The following AKAP7 variants were observed in gnomAD, a reference collection of about 807,000 sequenced individuals.
The protein encoded by AKAP7 is A-kinase anchoring protein 7.
AKAP7 carries 39 observed loss-of-function variants against 39.5 expected under a neutral mutation model. That is an observed-to-expected ratio of 0.99 (90% CI 0.76 to 1.29). The LOEUF is 1.29. Among genes scored for constraint, AKAP7 ranks in the 50% most tolerant of loss-of-function variants. AKAP7 has a pLI of 0.00. For missense variants in AKAP7, 414 were observed against 407.7 expected (o/e 1.02, Z -0.13); for synonymous variants, 140 against 139.1 (o/e 1.01, Z -0.05).
At chr6:131,253,659 C>CTTACTTATTTAT (rs756122068) in intron 7 of AKAP7, among the ~76,000 whole-genome samples, 1 of 149,686 alleles carries the variant, frequency 6.7e-6, no homozygotes, top group Non-Finnish European at 1.5e-5. Flanking sequence ...ATGAGATCTA[C>CTTACTTATTTAT]TTATTTATTT....
At chr6:131,249,226 A>G (rs1812254818) in intron 7 of AKAP7, among the ~76,000 whole-genome samples, 1 of 152,222 alleles carries the variant, frequency 6.6e-6, no homozygotes, top group African/African-American at 2.4e-5. Flanking sequence ...ATATAAAAAC[A>G]ACTGTGTTCC....
intron 6 of AKAP7, among the ~76,000 whole-genome samples, chr6:131,208,552 T>A (rs1387059906): frequency 6.6e-6 from 1 of 152,258 alleles, no homozygotes; most frequent in Admixed American, 6.5e-5. Context: ...GAAGCAAGTA[T>A]CTTCAATAGC....
chr6:131,249,093 C>T (rs1450971698), intron 7 of AKAP7, among the ~76,000 whole-genome samples: 1 of 152,102 alleles, frequency 6.6e-6, no homozygotes, highest in Non-Finnish European at 1.5e-5. Flanking sequence ...ATTCTCTAAA[C>T]ATTAATTTTA....
intron 6 of AKAP7, among the ~76,000 whole-genome samples, chr6:131,202,510 A>T (rs912590286): frequency 6.6e-6 from 1 of 151,472 alleles, no homozygotes; most frequent in Non-Finnish European, 1.5e-5. Flanking sequence ...TATCGCAAGG[A>T]CAAAAAACCA....
At chr6:131,175,414 G>A (rs1218026803) in intron 5 of AKAP7, among the ~76,000 whole-genome samples, 1 of 152,086 alleles carries the variant, frequency 6.6e-6, no homozygotes, top group Non-Finnish European at 1.5e-5. Flanking sequence ...AGATTTACAA[G>A]TTAAAAAAAT....
chr6:131,180,995 A>G (rs1381073683), intron 5 of AKAP7, among the ~76,000 whole-genome samples: 5 of 152,004 alleles, frequency 3.3e-5, no homozygotes, highest in Admixed American at 1.3e-4. Flanking sequence ...TCTGTTGCCT[A>G]GGCTGGAGTG....
intron 3 of AKAP7, among the ~76,000 whole-genome samples, chr6:131,162,707 G>C (rs543773444): frequency 1.3e-5 from 2 of 152,172 alleles, no homozygotes; most frequent in East Asian, 3.9e-4. Flanking sequence ...GGCTTGCCAG[G>C]TTCCCTTGGC....
At chr6:131,165,580 A>G (rs1192064668) in intron 4 of AKAP7, among the ~76,000 whole-genome samples, 2 of 152,204 alleles carry the variant, frequency 1.3e-5, no homozygotes, top group Admixed American at 1.3e-4. Context: ...TTCTAAGTAA[A>G]TGAAGAAAAT....
chr6:131,151,983 G>A (rs896466745), intron 2 of AKAP7, among the ~76,000 whole-genome samples: 14 of 151,982 alleles, frequency 9.2e-5, no homozygotes, highest in African/African-American at 3.4e-4. Context: ...AGTTTTTGAG[G>A]GAATAAATAG....
At chr6:131,147,018 T>G (rs2761285) in intron 2 of AKAP7, among the ~76,000 whole-genome samples, 55,032 of 151,976 alleles carry the variant, frequency 0.36, 12,142 homozygotes, top group African/African-American at 0.62. Flanking sequence ...GAGGATGTGT[T>G]CAGGGAGGCA....
At chr6:131,133,462 C>G (rs940819109), upstream of AKAP7, among the ~76,000 whole-genome samples, 9 of 152,144 alleles carry the variant, frequency 5.9e-5, no homozygotes, top group Non-Finnish European at 1.2e-4. Flanking sequence ...CCTGTCATTT[C>G]TAAAAGAAGC....
intron 7 of AKAP7, among the ~76,000 whole-genome samples, chr6:131,273,249 T>G (rs545309810): frequency 1.3e-5 from 2 of 152,306 alleles, no homozygotes; most frequent in African/African-American, 4.8e-5. Context: ...CACATCATAG[T>G]TGATTCTGAT....
chr6:131,247,269 G>GTGTATA (rs1244438178), intron 7 of AKAP7, among the ~76,000 whole-genome samples: 56 of 91,898 alleles, frequency 6.1e-4, no homozygotes, highest in African/African-American at 1.7e-3. Flanking sequence ...CATTTCATAT[G>GTGTATA]TATATATATA....
chr6:131,233,747 A>G (rs540873403), intron 7 of AKAP7, among the ~76,000 whole-genome samples: 2 of 152,224 alleles, frequency 1.3e-5, no homozygotes, highest in Non-Finnish European at 2.9e-5. Context: ...TACCTTTACT[A>G]TCTTTTAAGA....
At chr6:131,274,660 C>T (rs1219279057) in intron 7 of AKAP7, among the ~76,000 whole-genome samples, 1 of 152,110 alleles carries the variant, frequency 6.6e-6, no homozygotes, top group Admixed American at 6.5e-5. Flanking sequence ...ATTTGTCCCT[C>T]TTCAGTCCAC....
chr6:131,185,247 T>A (rs967200452), intron 5 of AKAP7: 69 of 463,218 alleles, frequency 1.5e-4, no homozygotes, highest in African/African-American at 1.3e-3. Flanking sequence ...GGCTCACCGC[T>A]TTTTCCGCCA....
chr6:131,195,040 A>C (rs1013997863), intron 5 of AKAP7, among the ~76,000 whole-genome samples: 1 of 151,976 alleles, frequency 6.6e-6, no homozygotes, highest in Non-Finnish European at 1.5e-5. Flanking sequence ...TTTACATTCA[A>C]TGTTATTATT....
chr6:131,274,722 C>T (rs1178388065), intron 7 of AKAP7, among the ~76,000 whole-genome samples: 1 of 152,120 alleles, frequency 6.6e-6, no homozygotes, highest in Non-Finnish European at 1.5e-5. Context: ...CTTTCTTTCC[C>T]CCTAAGCCAT....
Position 131,135,734 on chromosome 6 carries a change from C to T in AKAP7, c.-30C>T. 1 of 1,216,120 alleles carries T rather than the reference C, an allele frequency of 8.2e-7. No individual in the cohort carries two copies. Among genetic ancestry groups the T allele is most frequent in the Non-Finnish European group, 1.0e-6 (1 of 979,904 alleles). 75.3% of individuals were successfully genotyped at this position (1,216,120 alleles called of 1,614,324 possible). A position where few individuals can be genotyped will look rare whatever the true frequency, so the allele number is the denominator to read the frequency against. The stretch of plus-strand genomic sequence containing the variant: ...GCCCGCCACCGCCGCTGCCGCCAGC[C>T]CAGACGCGCCGCCCGCATGCGCCGC... On this transcript the variant is annotated 5_prime_UTR_variant, in exon 1 of 8. Transcript: ENST00000431975.
Sources: gnomAD v4.1 joint callset for allele counts (sites outside exome capture counted in the v4.1 genomes callset) on GRCh38, gnomAD v4.1.1 for gene constraint, MANE v1.5 for transcripts, NCBI Gene and HGNC (gene_info 2026-07-23, HGNC 2026-07-21) for gene names.